The following SPTA1 variants were observed in gnomAD, a reference collection of about 807,000 sequenced individuals.
SPTA1 encodes the protein spectrin alpha, erythrocytic 1.
A neutral mutation model predicts 324.7 loss-of-function variants in SPTA1; 177 were observed. The ratio of observed to expected loss-of-function variants is 0.55; its 90% CI spans 0.48 to 0.62. The LOEUF is 0.62. SPTA1 is among the 20% of genes least tolerant of loss of function. The pLI is 0.00. For synonymous variants in SPTA1, 1,195 were observed against 1,041.3 expected (o/e 1.15, Z -2.84); for missense variants, 3,162 against 2,883.6 (o/e 1.10, Z -2.21).
intron 35 of SPTA1, chr1:158,639,366 A>G: frequency 1.7e-6 from 1 of 589,906 alleles, no homozygotes; most frequent in Non-Finnish European, 3.0e-6. Context: ...ACTTTCTGGA[A>G]TCTTAAAGTC....
chr1:158,645,307 C>T lies in SPTA1; in HGVS notation c.4075G>A (p.Gly1359Arg), dbSNP rs1349728346. The change falls in exon 29 of 52, where the codon GGG becomes AGG. Residue 1359 changes from glycine (G) to arginine (R), a missense_variant. Physicochemically the swap from Gly to Arg is moderately radical, Grantham distance 125 (BLOSUM62 -2). Coordinates refer to ENST00000643759, the MANE Select transcript of SPTA1 (RefSeq NM_003126.4). ...TCAATTTCAGGGCTAGCATGGTGCC[C>T]ACTGTCGATAAGTTCTGCACTGAAG... ...EDFSAELIDSGHHASPEIEKK... is the reference protein window; with the variant it reads ...EDFSAELIDSRHHASPEIEKK... The T allele has an allele frequency of 1.2e-6, 2 of 1,614,040 alleles. No homozygotes were observed. The highest frequency in any genetic ancestry group is 1.7e-5 in the Admixed American group (1 of 59,978).
Position 158,618,061 on chromosome 1 carries a change from A to G in SPTA1, c.6531-5T>C. 1 of 1,611,778 alleles carries G rather than the reference A, an allele frequency of 6.2e-7. No homozygotes were observed. Among genetic ancestry groups the G allele is most frequent in the Non-Finnish European group, 8.5e-7 (1 of 1,177,764 alleles). On this transcript the variant is annotated splice_region_variant and splice_polypyrimidine_tract_variant and intron_variant, in intron 45 of 51. Transcript: ENST00000643759. ...GACCCATCCAGAAAGTAAGCCCTGG[A>G]CATGGAGGTCCGGAACAGGAATCAC...
At chr1:158,662,567 G>T in intron 17 of SPTA1, 135 bp downstream of exon 17, 1 of 1,213,684 alleles carries the variant, frequency 8.2e-7, no homozygotes, top group Non-Finnish European at 1.2e-6. Context: ...TGAAGGACTG[G>T]ACAAATTTTC....
rs569406964 is a variant in SPTA1, at chr1:158,652,622, G to C, written c.3220C>G (p.Arg1074Gly). 20 of 1,614,126 alleles carry C rather than the reference G, an allele frequency of 1.2e-5. No individual in the cohort carries two copies. In the South Asian group the frequency reaches 2.1e-4, roughly 17 times the overall value. ...YRSLLDRAEE[R>G]RRRLLQRYNE... ...TAACGTTGCAATAGACGACGTCTGC[G>C]TTCTTCTGCCCGATCCAAGAGGGAG... The change falls in exon 23 of 52, where the codon CGC (arginine) becomes GGC (glycine). Residue 1074 changes from arginine to glycine, a missense_variant. Coordinates refer to ENST00000643759, the MANE Select transcript of SPTA1 (RefSeq NM_003126.4).
Position 158,654,657 on chromosome 1 carries a change from G to A in SPTA1, c.2990C>T (p.Thr997Ile), listed in dbSNP as rs1259006546. 1.9e-6 allele frequency: 3 copies of A among 1,613,928 alleles called. No individual in the cohort carries two copies. The highest frequency in any genetic ancestry group is 2.5e-6 in the Non-Finnish European group (3 of 1,179,978). The change falls in exon 21 of 52, where the codon ACC becomes ATC. Residue 997 changes from threonine to isoleucine, a missense_variant. Physicochemically the swap from Thr to Ile is moderately conservative, Grantham distance 89. Coordinates refer to ENST00000643759, the MANE Select transcript of SPTA1 (RefSeq NM_003126.4). ...CGTTAAGACATCACCTTTCTTCATG[G>A]TGACTTCTCGGGGGCTGCGGGCCTG... The part of the protein sequence containing the change: ...DFQARSPREV[T>I]MKKGDVLTLL...
intron 7 of SPTA1, among the ~76,000 whole-genome samples, chr1:158,676,876 G>T (rs1654425648): frequency 6.6e-6 from 1 of 151,988 alleles, no homozygotes; most frequent in Admixed American, 6.6e-5. Flanking sequence ...TGATGTCTAG[G>T]GATTGGAATT....
chr1:158,611,131 GCACACACACACA>G lies in SPTA1; in HGVS notation c.*121_*132del, dbSNP rs55832242. On this transcript the variant is annotated 3_prime_UTR_variant, in exon 52 of 52. Coordinates refer to ENST00000643759, the MANE Select transcript of SPTA1 (RefSeq NM_003126.4). ...AAATGTAATATGCACACAAACACAA[GCACACACACACA>G]CACACACACACACACACACACACGA... 1.3e-4 allele frequency: 86 copies of G among 671,422 alleles called. 1 individual carries two copies. In the East Asian group the frequency reaches 1.8e-3, roughly 14 times the overall value. The allele number at this position is 671,422 out of a possible 1,614,324, so 41.6% of individuals were successfully genotyped here. A position where few individuals can be genotyped will look rare whatever the true frequency, so the allele number is the denominator to read the frequency against.
At chr1:158,656,081 CTT>C (rs1261279085) in intron 20 of SPTA1, among the ~76,000 whole-genome samples, 1 of 152,160 alleles carries the variant, frequency 6.6e-6, no homozygotes, top group Non-Finnish European at 1.5e-5. Context: ...CTTTGAGACT[CTT>C]TGTCCTGTTC....
intron 17 of SPTA1, among the ~76,000 whole-genome samples, chr1:158,662,483 CTAAA>C (rs1200922260): frequency 6.6e-6 from 1 of 152,158 alleles, no homozygotes; most frequent in East Asian, 1.9e-4. Context: ...CCCAGGGGCC[CTAAA>C]TTCATGGCAT....
intron 43 of SPTA1, among the ~76,000 whole-genome samples, chr1:158,621,422 T>G (rs941887569): frequency 6.6e-6 from 1 of 152,136 alleles, no homozygotes; most frequent in Non-Finnish European, 1.5e-5. Context: ...GCAATCTATA[T>G]GCCAAAATAG....
At chr1:158,683,698 G>A (rs961622361) in intron 2 of SPTA1, among the ~76,000 whole-genome samples, 4 of 152,028 alleles carry the variant, frequency 2.6e-5, no homozygotes, top group Admixed American at 6.6e-5. Flanking sequence ...GATCTATGCC[G>A]AGCCTTATTT....
Position 158,657,542 on chromosome 1 carries a change from A to G in SPTA1, c.2740T>C (p.Trp914Arg), listed in dbSNP as rs370612932. Reference protein sequence around the residue: ...YLADLHEAETWIREKEPIVDN... With the variant: ...YLADLHEAETRIREKEPIVDN... ...ACAATAGGTTCCTTCTCTCTGATCC[A>G]TGTTTCTGCTTCATGCAGGTCAGCC... is the stretch of plus-strand genomic sequence containing the variant. Residue 914 changes from tryptophan (W) to arginine (R), a missense_variant, in exon 19 of 52, where the codon TGG becomes CGG. Trp to Arg is a moderately radical substitution (Grantham distance 101). Coordinates refer to ENST00000643759, the MANE Select transcript of SPTA1 (RefSeq NM_003126.4). 18 of 1,613,480 alleles carry G rather than the reference A, an allele frequency of 1.1e-5. No individual in the cohort carries two copies. The highest frequency in any genetic ancestry group is 1.6e-4 in the Middle Eastern group (1 of 6,084).
rs1296239134 is a variant in SPTA1, at chr1:158,652,535, C to T, written c.3307G>A (p.Ala1103Thr). 1.2e-6 allele frequency: 2 copies of T among 1,614,160 alleles called. No individual in the cohort carries two copies. Among genetic ancestry groups the T allele is most frequent in the South Asian group, 2.2e-5 (2 of 91,084 alleles). Residue 1103 changes from alanine (A) to threonine (T), a missense_variant, in exon 23 of 52, where the codon GCA becomes ACA. Physicochemically the swap from Ala to Thr is moderately conservative, Grantham distance 58. Coordinates refer to ENST00000643759, the MANE Select transcript of SPTA1 (RefSeq NM_003126.4). ...TCTAGTTCCACTCCAGTGTTTTCTGCCTTTTTCTCTTGAATCCATTCCAGC... is the reference window on the plus strand; with the variant it reads ...TCTAGTTCCACTCCAGTGTTTTCTGTCTTTTTCTCTTGAATCCATTCCAGC... ...DMLEWIQEKK[A>T]ENTGVELDDV... is the part of the protein sequence containing the mutation.
intron 3 of SPTA1, 97 bp downstream of exon 3, chr1:158,683,274 T>A: frequency 6.3e-7 from 1 of 1,577,592 alleles, no homozygotes; most frequent in South Asian, 1.1e-5. Context: ...GTCCTGGGTA[T>A]AAGCCAGCCA....
At chr1:158,637,970 C>A (rs1651207596) in intron 36 of SPTA1, 63 bp downstream of exon 36, 8 of 1,556,246 alleles carry the variant, frequency 5.1e-6, no homozygotes, top group Non-Finnish European at 3.5e-6. Flanking sequence ...TAAATTGGAA[C>A]AAGTTTGGTG....
At chr1:158,618,375 G>A (rs1389084922) in intron 45 of SPTA1, among the ~76,000 whole-genome samples, 1 of 152,092 alleles carries the variant, frequency 6.6e-6, no homozygotes, top group East Asian at 1.9e-4. Flanking sequence ...TGTCTTCTCT[G>A]CCTTCTGTCA....
intron 33 of SPTA1, among the ~76,000 whole-genome samples, chr1:158,641,250 C>G (rs926511875): frequency 6.6e-6 from 1 of 152,028 alleles, no homozygotes; most frequent in Non-Finnish European, 1.5e-5. Context: ...TAGGCATGGG[C>G]AAGGACTTCA....
Position 158,643,455 on chromosome 1 carries a change from T to G in SPTA1, c.4339-30A>C. On this transcript the variant is annotated intron_variant, in intron 30 of 51. Transcript: ENST00000643759. ...ATAAAGGAAAAGGAAAGAGCCCAGATGCTTGGAGATTAGGCTCTTGGTGCA... is the reference window on the plus strand; with the variant it reads ...ATAAAGGAAAAGGAAAGAGCCCAGAGGCTTGGAGATTAGGCTCTTGGTGCA... 3.1e-6 allele frequency: 5 copies of G among 1,601,460 alleles called. No individual in the cohort carries two copies. In the South Asian group the frequency reaches 5.5e-5, roughly 18 times the overall value.
intron 33 of SPTA1, among the ~76,000 whole-genome samples, chr1:158,641,116 C>G (rs1045770438): frequency 6.6e-6 from 1 of 151,716 alleles, no homozygotes; most frequent in Non-Finnish European, 1.5e-5. Context: ...ATGTAGAAAG[C>G]TGAAACTGGA....
Sources: allele counts gnomAD v4.1 joint callset (sites outside exome capture counted in the v4.1 genomes callset), GRCh38; gene constraint gnomAD v4.1.1; transcripts MANE v1.5; gene names NCBI Gene and HGNC (gene_info 2026-07-23, HGNC 2026-07-21).